GALNT16: variants seen among roughly 807,000 people sequenced by gnomAD.
GALNT16 encodes UDP-GalNAc:polypeptide N-acetylgalactosaminyltransferase-like protein 1.
GALNT16 carries 40 observed loss-of-function variants against 76.1 expected under a neutral mutation model. The observed-to-expected ratio is 0.53, with a 90% CI of 0.41 to 0.68. GALNT16 has a LOEUF of 0.68. Ranked by LOEUF, GALNT16 falls within the 30% of genes least tolerant of loss-of-function variation. The pLI is 0.00. For missense variants in GALNT16, 621 were observed against 731.9 expected, an observed-to-expected ratio of 0.85 and a Z score of 1.75; for synonymous variants, 276 against 285.2, an observed-to-expected ratio of 0.97 and a Z score of 0.32.
At chr14:69,365,647 G>A in the GALNT16 span, among the ~76,000 whole-genome samples, 2 of 152,160 alleles carry the variant, frequency 1.3e-5, no homozygotes, top group Admixed American at 1.3e-4. Context: ...AGGAGGGAGA[G>A]CATCAGGAAG....
At chr14:69,378,326 G>T in the GALNT16 span, among the ~76,000 whole-genome samples, 1 of 152,182 alleles carries the variant, frequency 6.6e-6, no homozygotes, top group Non-Finnish European at 1.5e-5. Context: ...CTGGATTAGA[G>T]AATCGGAAAT....
At position 69,261,804 on chromosome 14, in the gene GALNT16, C is replaced by CG. The variant is rs535390067; in HGVS notation, c.177+1344dup. ...GGGCTTTGCCTGAGGAGACCTGGGG[C>CG]GGGGGGGTGAGGTTGTGGGTTTTGT... On this transcript the variant is annotated intron_variant, in intron 1 of 14. Coordinates refer to ENST00000448469, the MANE Select transcript of GALNT16 (RefSeq NM_001168368.2). The surrounding 1 kb of genome is among the most constrained non-coding windows in gnomAD (Gnocchi z 6.4). Among the ~76,000 whole-genome samples, 72 of 152,048 alleles carry CG rather than the reference C, an allele frequency of 4.7e-4. No individual in the cohort carries two copies. The East Asian group carries it at 8.9e-3, about 19-fold the overall frequency.
the GALNT16 span, among the ~76,000 whole-genome samples, chr14:69,370,408 G>A: frequency 2.0e-3 from 311 of 152,354 alleles, 1 homozygote; most frequent in African/African-American, 7.1e-3. Flanking sequence ...AGCAGTGAAT[G>A]TGGTCTGTGA....
chr14:69,340,995 CT>C (rs569753387), intron 11 of GALNT16, among the ~76,000 whole-genome samples: 1 of 152,040 alleles, frequency 6.6e-6, no homozygotes, highest in African/African-American at 2.4e-5. Context: ...ATCTATCTCC[CT>C]TTTTTTGAAA....
chr14:69,297,269 G>T (rs998221711), intron 1 of GALNT16, among the ~76,000 whole-genome samples: 1 of 152,172 alleles, frequency 6.6e-6, no homozygotes, highest in African/African-American at 2.4e-5. Context: ...GTATACACTC[G>T]CAAGTTCTTG....
At chr14:69,324,612 C>A in intron 2 of GALNT16, 80 bp from the exon 3 acceptor site, 1 of 745,788 alleles carries the variant, frequency 1.3e-6, no homozygotes, top group Non-Finnish European at 2.2e-6. Context: ...TTCTCAGGCA[C>A]AAGACTGGAC....
At chr14:69,368,150 T>C in the GALNT16 span, among the ~76,000 whole-genome samples, 1 of 152,130 alleles carries the variant, frequency 6.6e-6, no homozygotes, top group Non-Finnish European at 1.5e-5. Context: ...CAAAACCTCC[T>C]GCCTCCTTTT....
intron 1 of GALNT16, among the ~76,000 whole-genome samples, chr14:69,292,629 C>G (rs935680036): frequency 6.6e-6 from 1 of 152,266 alleles, no homozygotes; most frequent in Non-Finnish European, 1.5e-5. Flanking sequence ...CCCAGTGGCT[C>G]TTTCTCTGTT....
chr14:69,370,629 T>C, the GALNT16 span, among the ~76,000 whole-genome samples: 65 of 152,318 alleles, frequency 4.3e-4, no homozygotes, highest in Non-Finnish European at 1.3e-4. Flanking sequence ...TATCAATTTA[T>C]GGCTAATCTT....
At position 69,333,859 on chromosome 14, in the gene GALNT16, C is replaced by G. The variant is rs746354380; in HGVS notation, c.967+259C>G. On this transcript the variant is annotated intron_variant, in intron 9 of 14. Transcript: ENST00000448469. The surrounding 1 kb of genome is among the most constrained non-coding windows in gnomAD (Gnocchi z 4.2). The stretch of plus-strand genomic sequence containing the variant: ...AAAGAGGTTCTATTTAGGGGGAGCC[C>G]GTGGTCACATGGCTGGACATGTGTG... 2.3e-6 allele frequency: 1 copy of G among 442,232 alleles called. No homozygotes were observed. Among genetic ancestry groups the G allele is most frequent in the Non-Finnish European group, 4.0e-6 (1 of 249,816 alleles). 27.4% of individuals were successfully genotyped at this position (442,232 alleles called of 1,614,324 possible).
chr14:69,264,293 T>C (rs1362499857), intron 1 of GALNT16, among the ~76,000 whole-genome samples: 1 of 152,190 alleles, frequency 6.6e-6, no homozygotes, highest in East Asian at 1.9e-4. Flanking sequence ...ACTTAACATC[T>C]CTGGACCTTG....
intron 1 of GALNT16, among the ~76,000 whole-genome samples, chr14:69,316,975 C>T (rs912599039): frequency 6.6e-6 from 1 of 152,160 alleles, no homozygotes; most frequent in African/African-American, 2.4e-5. Context: ...TGAGGAAGAG[C>T]TCACCATCTA....
chr14:69,338,460 C>A (rs968542182), intron 9 of GALNT16, among the ~76,000 whole-genome samples, 191 bp from the exon 10 acceptor site: 1 of 152,152 alleles, frequency 6.6e-6, no homozygotes, highest in Non-Finnish European at 1.5e-5. Flanking sequence ...TGTGCATGTG[C>A]ACGTACACAC....
At chr14:69,304,496 T>G (rs8017671) in intron 1 of GALNT16, among the ~76,000 whole-genome samples, 42,522 of 152,074 alleles carry the variant, frequency 0.28, 5,946 homozygotes, top group Admixed American at 0.3. Flanking sequence ...TAGCAAATTT[T>G]GAAGTGTAAA....
intron 1 of GALNT16, among the ~76,000 whole-genome samples, chr14:69,287,782 T>G (rs1290047776): frequency 6.6e-6 from 1 of 152,180 alleles, no homozygotes; most frequent in African/African-American, 2.4e-5. Context: ...GTGTTCAGAT[T>G]TGAGGTGAAA....
In GALNT16 at chr14:69,308,280, A is replaced by T. The variant is rs572726661; in HGVS notation, c.178-12431A>T. Among the ~76,000 whole-genome samples the T allele has an allele frequency of 4.0e-5, 6 of 151,524 alleles. No homozygotes were observed. The East Asian group carries it at 1.2e-3, about 29-fold the overall frequency. On this transcript the variant is annotated intron_variant, in intron 1 of 14. Coordinates refer to ENST00000448469, the MANE Select transcript of GALNT16 (RefSeq NM_001168368.2). ...TTTCTTAAAAATTTTTATTATAAAAAATAAATCCTTATTTATATAAAAAAA... is the reference window on the plus strand; with the variant it reads ...TTTCTTAAAAATTTTTATTATAAAATATAAATCCTTATTTATATAAAAAAA...
At position 69,260,161 on chromosome 14, in the gene GALNT16, C is replaced by CCTTT; in HGVS notation, c.-130_-129insCTTT. The CCTTT allele has an allele frequency of 7.2e-6, 2 of 277,878 alleles. No homozygotes were observed. The highest frequency in any genetic ancestry group is 1.4e-5 in the Non-Finnish European group (2 of 147,846). The allele number at this position is 277,878 out of a possible 1,614,324, so 17.2% of individuals were successfully genotyped here. A position where few individuals can be genotyped will look rare whatever the true frequency, so the allele number is the denominator to read the frequency against. On this transcript the variant is annotated 5_prime_UTR_variant, in exon 1 of 15. Transcript: ENST00000448469. ...ACCCCCCCGCCCCCCCACCTCTCTC[C>CCTTT]TTTTTCTGCTCTGCAGGACTGAGCA...
the GALNT16 span, among the ~76,000 whole-genome samples, chr14:69,366,264 A>G: frequency 6.6e-6 from 1 of 151,874 alleles, no homozygotes; most frequent in Non-Finnish European, 1.5e-5. Context: ...TCCCTTGGCT[A>G]TCCCCCACCT....
Position 69,286,202 on chromosome 14 carries a change from G to T in GALNT16, c.177+25735G>T, listed in dbSNP as rs190037267. Among the ~76,000 whole-genome samples the T allele has an allele frequency of 3.3e-5, 5 of 152,270 alleles. No individual in the cohort carries two copies. In the East Asian group the frequency reaches 9.7e-4, roughly 29 times the overall value. ...GACAAGGGCAGAATCCTGTAAGAAGGGATAGATGAGGGAACTTTCTGGAAT... is the reference window on the plus strand; with the variant it reads ...GACAAGGGCAGAATCCTGTAAGAAGTGATAGATGAGGGAACTTTCTGGAAT... On this transcript the variant is annotated intron_variant, in intron 1 of 14. Transcript: ENST00000448469.
Sources: gnomAD v4.1 joint callset for allele counts (sites outside exome capture counted in the v4.1 genomes callset) on GRCh38, gnomAD v4.1.1 for gene constraint, Gnocchi (gnomAD v3.1) non-coding constraint, MANE v1.5 for transcripts, NCBI Gene and HGNC (gene_info 2026-07-23, HGNC 2026-07-21) for gene names.